Variants in SCIN observed in about 807,000 individuals in gnomAD.
The protein encoded by SCIN is scinderin.
In SCIN, 91 loss-of-function variants were observed where a neutral mutation model predicts 91.8. The ratio of observed to expected loss-of-function variants is 0.99; its 90% confidence interval spans 0.84 to 1.18. The LOEUF is 1.18. SCIN is among the 50% of genes most tolerant of loss of function. The pLI is 0.00. For missense variants in SCIN, 1,087 were observed against 863.9 expected (o/e 1.26, Z -3.24); for synonymous variants, 367 against 312.6 (o/e 1.17, Z -1.84).
At chr7:12,573,413 G>C (rs541340171) in intron 1 of SCIN, among the ~76,000 whole-genome samples, 1 of 152,312 alleles carries the variant, frequency 6.6e-6, no homozygotes, top group South Asian at 2.1e-4. Flanking sequence ...CCTAGAACAA[G>C]AGAGAACAGA....
At chr7:12,600,133 T>G (rs1165865845) in intron 3 of SCIN, among the ~76,000 whole-genome samples, 5 of 152,244 alleles carry the variant, frequency 3.3e-5, no homozygotes, top group Non-Finnish European at 4.4e-5. Flanking sequence ...TCTAGAATCT[T>G]TATGGTTTCA....
At chr7:12,649,023 A>G (rs1232454227) in intron 13 of SCIN, among the ~76,000 whole-genome samples, 1 of 152,210 alleles carries the variant, frequency 6.6e-6, no homozygotes, top group Admixed American at 6.5e-5. Flanking sequence ...TGCTATGAAT[A>G]CATTCCAAGG....
At chr7:12,603,745 G>A (rs966975772) in intron 3 of SCIN, among the ~76,000 whole-genome samples, 8 of 151,846 alleles carry the variant, frequency 5.3e-5, no homozygotes, top group Non-Finnish European at 7.4e-5. Context: ...ATTCTGTTTC[G>A]ACTTTTTCAT....
chr7:12,571,271 C>G (rs1259133391), intron 1 of SCIN: 5 of 466,676 alleles, frequency 1.1e-5, no homozygotes, highest in African/African-American at 5.9e-5. Flanking sequence ...GGCTTCTTCC[C>G]CTTTCACCGT....
chr7:12,657,551 TA>T lies in SCIN; in HGVS notation c.*4837del. 2 of 19,396 alleles carry T rather than the reference TA, an allele frequency of 1.0e-4. No individual in the cohort carries two copies. Among genetic ancestry groups the T allele is most frequent in the Non-Finnish European group, 2.5e-4 (2 of 7,942 alleles). 1.2% of individuals were successfully genotyped at this position (19,396 alleles called of 1,614,324 possible). A position where few individuals can be genotyped will look rare whatever the true frequency, so the allele number is the denominator to read the frequency against. ...ATATATGTGTGTGTATATATATATATATATATATATATATATATATATTTTT... is the reference window on the plus strand; with the variant it reads ...ATATATGTGTGTGTATATATATATATTATATATATATATATATATATTTTT... On this transcript the variant is annotated 3_prime_UTR_variant, in exon 16 of 16. Transcript: ENST00000297029.
intron 4 of SCIN, among the ~76,000 whole-genome samples, chr7:12,606,789 G>GA (rs1783088197): frequency 6.6e-6 from 1 of 151,830 alleles, no homozygotes; most frequent in African/African-American, 2.4e-5. Context: ...TTTATAATCA[G>GA]AAAAAAAGTC....
chr7:12,585,265 C>T (rs1782563529), intron 3 of SCIN, among the ~76,000 whole-genome samples: 1 of 152,122 alleles, frequency 6.6e-6, no homozygotes. Flanking sequence ...TCTTGTGTTG[C>T]AACCCACACT....
rs1009042755 is a variant in SCIN, at chr7:12,659,112, C to A, written c.*6397C>A. The A allele has an allele frequency of 1.3e-5, 2 of 152,212 alleles. No individual in the cohort carries two copies. The highest frequency in any genetic ancestry group is 4.8e-5 in the African/African-American group (2 of 41,446). 9.4% of individuals were successfully genotyped at this position (152,212 alleles called of 1,614,324 possible). ...CTGGGATTACAGGCACCCGCCACCA[C>A]ACCTGACTAATTTTTTGTATTTTTA... On this transcript the variant is annotated 3_prime_UTR_variant, in exon 16 of 16. Coordinates refer to ENST00000297029, the MANE Select transcript of SCIN (RefSeq NM_001112706.3).
At chr7:12,596,969 G>A (rs1782856169) in intron 3 of SCIN, among the ~76,000 whole-genome samples, 1 of 152,050 alleles carries the variant, frequency 6.6e-6, no homozygotes, top group South Asian at 2.1e-4. Flanking sequence ...TTCAAATGTA[G>A]TTGCTTCCTT....
At chr7:12,610,928 A>G (rs139998688) in intron 4 of SCIN, 60 of 152,296 alleles carry the variant, frequency 3.9e-4, no homozygotes, top group African/African-American at 1.3e-3. Context: ...CTCTTCATCT[A>G]TGAATTAAAA....
intron 10 of SCIN, among the ~76,000 whole-genome samples, chr7:12,638,937 T>G (rs951101584): frequency 6.6e-6 from 1 of 152,224 alleles, no homozygotes; most frequent in Non-Finnish European, 1.5e-5. Flanking sequence ...CTTACATATT[T>G]CATATTTCAT....
At chr7:12,581,336 C>A in intron 3 of SCIN, 115 bp downstream of exon 3, 2 of 1,005,612 alleles carry the variant, frequency 2.0e-6, no homozygotes, top group Non-Finnish European at 2.9e-6. Context: ...AAAGGGGCCA[C>A]GTTTATGTGA....
rs147022855 is a variant in SCIN at position 12,646,088 on chromosome 7, T to C, written c.1881+1383T>C. Among the ~76,000 whole-genome samples the C allele has an allele frequency of 2.2e-3, 341 of 152,336 alleles. 2 individuals are homozygous for C. The highest frequency in any genetic ancestry group is 8.0e-3 in the African/African-American group (333 of 41,566). On this transcript the variant is annotated intron_variant, in intron 13 of 15. Transcript: ENST00000297029. ...GGCAAAAATCACAGAAAGCTATATA[T>C]GCAGTTACAAATTAACTGATATCAA...
At position 12,652,455 on chromosome 7, in the gene SCIN, T is replaced by C. The variant is rs1193371883; in HGVS notation, c.2021-133T>C. On this transcript the variant is annotated intron_variant, in intron 15 of 15. Transcript: ENST00000297029. ...GAATTGTATTCGAAGAATTTTCATTTTCAATGTAGCCAATATTTATTTGTT... is the reference window on the plus strand; with the variant it reads ...GAATTGTATTCGAAGAATTTTCATTCTCAATGTAGCCAATATTTATTTGTT... 16 of 785,824 alleles carry C rather than the reference T, an allele frequency of 2.0e-5. No individual in the cohort carries two copies. The East Asian group carries it at 4.8e-4, about 24-fold the overall frequency. The allele number at this position is 785,824 out of a possible 1,614,324, so 48.7% of individuals were successfully genotyped here. A position where few individuals can be genotyped will look rare whatever the true frequency, so the allele number is the denominator to read the frequency against.
At chr7:12,580,858 T>A (rs905837976) in intron 2 of SCIN, among the ~76,000 whole-genome samples, 3 of 152,218 alleles carry the variant, frequency 2.0e-5, no homozygotes, top group African/African-American at 7.2e-5. Flanking sequence ...ACAGAAAGAA[T>A]AAAGAGACCA....
In SCIN at chr7:12,656,513, CG is replaced by C. The variant is rs1390342523; in HGVS notation, c.*3799del. The C allele has an allele frequency of 6.6e-6, 1 of 152,014 alleles. No homozygotes were observed. The highest frequency in any genetic ancestry group is 1.5e-5 in the Non-Finnish European group (1 of 68,022). 9.4% of individuals were successfully genotyped at this position (152,014 alleles called of 1,614,324 possible). A position where few individuals can be genotyped will look rare whatever the true frequency, so the allele number is the denominator to read the frequency against. On this transcript the variant is annotated 3_prime_UTR_variant, in exon 16 of 16. Transcript: ENST00000297029. ...TGAATTTAAAAGCCTACAAATGCCCCGCATATGTAGAATTATCATTCATTCC... is the reference window on the plus strand; with the variant it reads ...TGAATTTAAAAGCCTACAAATGCCCCCATATGTAGAATTATCATTCATTCC...
In SCIN at chr7:12,629,140, C is replaced by T. The variant is rs556844008; in HGVS notation, c.1237C>T (p.Gln413Ter). 1.2e-5 allele frequency: 19 copies of T among 1,612,726 alleles called. No individual in the cohort carries two copies. In the African/African-American group the frequency reaches 2.4e-4, roughly 20 times the overall value. The change falls in exon 9 of 16, where the codon CAA (glutamine) becomes TAA (stop). Residue 413 changes from glutamine to a stop codon, truncating the protein, a stop_gained. Transcript: ENST00000297029. LOFTEE classifies it high-confidence loss of function. ...AAACAATGGTAGGATCCAAGTTGAC[C>T]AAAACTCATATGGTGAATTCTATGG... Reference protein sequence around the residue: ...VENNGRIQVDQNSYGEFYGGD... With the variant: ...VENNGRIQVD
In SCIN at chr7:12,622,873, A is replaced by T; in HGVS notation, c.739A>T (p.Lys247Ter). The change falls in exon 5 of 16, where the codon AAA becomes TAA. Residue 247 changes from lysine to a stop codon, truncating the protein, a stop_gained. Coordinates refer to ENST00000297029, the MANE Select transcript of SCIN (RefSeq NM_001112706.3). LOFTEE classifies it high-confidence loss of function. Reference protein sequence around the residue: ...DDIIADISNRKMAKLYMVSDA... With the variant: ...DDIIADISNR The stretch of plus-strand genomic sequence containing the variant: ...CATTATAGCAGACATAAGTAACAGG[A>T]AAATGGCTAAACTATACATGGTGAG... 1 of 1,611,950 alleles carries T rather than the reference A, an allele frequency of 6.2e-7. No individual in the cohort carries two copies. The highest frequency in any genetic ancestry group is 8.5e-7 in the Non-Finnish European group (1 of 1,178,356).
In SCIN at chr7:12,621,602, GT is replaced by G. The variant is rs1191801253; in HGVS notation, c.667-1192del. 8.7e-5 allele frequency among the ~76,000 whole-genome samples: 11 copies of G among 126,512 alleles called. No individual in the cohort carries two copies. In the South Asian group the frequency reaches 2.8e-3, roughly 33 times the overall value. 83.0% of individuals were successfully genotyped at this position (126,512 alleles called of 152,430 possible). A position where few individuals can be genotyped will look rare whatever the true frequency, so the allele number is the denominator to read the frequency against. On this transcript the variant is annotated intron_variant, in intron 4 of 15. Transcript: ENST00000297029. ...AGCTATACATACTTCTAGCAAAAGT[GT>G]TTTTTTAAAAAGCTTTTGGTCACAA...
Sources: allele counts gnomAD v4.1 joint callset (sites outside exome capture counted in the v4.1 genomes callset), GRCh38; gene constraint gnomAD v4.1.1; transcripts MANE v1.5; gene names NCBI Gene and HGNC (gene_info 2026-07-23, HGNC 2026-07-21).